ITGA9: variants seen among roughly 807,000 people sequenced by gnomAD.
ITGA9 encodes the protein integrin subunit alpha 9, also known as integrin alpha-9.
Under a neutral mutation model 127.8 loss-of-function variants are expected in ITGA9, and 56 were observed. The observed-to-expected ratio is 0.44, with a 90% CI of 0.35 to 0.55. ITGA9 has a LOEUF of 0.55. ITGA9 is among the 20% of genes least tolerant of loss of function. The pLI is 0.00. For missense variants in ITGA9, 1,196 were observed against 1,347.1 expected, an observed-to-expected ratio of 0.89 and a Z score of 1.76; for synonymous variants, 508 against 514.5, an observed-to-expected ratio of 0.99 and a Z score of 0.17.
rs1387631413 is a variant in ITGA9 at position 37,512,028 on chromosome 3, CTTTCTTT to C, written c.898-1734_898-1728del. ...CTTTTCTTTTCTTTTCTTTTCTTTT[CTTTCTTT>C]CTTTCTTTCTTTCTTTCTTTCTTTC... On this transcript the variant is annotated intron_variant, in intron 8 of 27. Transcript: ENST00000264741. Among the ~76,000 whole-genome samples, 8 of 24,264 alleles carry C rather than the reference CTTTCTTT, an allele frequency of 3.3e-4. 1 individual carries two copies. The highest frequency in any genetic ancestry group is 5.5e-4 in the Admixed American group (1 of 1,826). 15.9% of individuals were successfully genotyped at this position (24,264 alleles called of 152,430 possible).
In ITGA9 at chr3:37,629,079, G is replaced by A. The variant is rs973331486; in HGVS notation, c.1690-108G>A. On this transcript the variant is annotated intron_variant, in intron 15 of 27. Coordinates refer to ENST00000264741, the MANE Select transcript of ITGA9 (RefSeq NM_002207.3). The surrounding 1 kb of genome is among the most constrained non-coding windows in gnomAD (Gnocchi z 4.5). ...AACCCTACCTCACGAGGGTGATTGT[G>A]AGGATTATATGAGGCAATTCATGTA... 3.9e-6 allele frequency: 5 copies of A among 1,296,236 alleles called. No individual in the cohort carries two copies. In the African/African-American group the frequency reaches 5.8e-5, roughly 15 times the overall value. 80.3% of individuals were successfully genotyped at this position (1,296,236 alleles called of 1,614,324 possible). A position where few individuals can be genotyped will look rare whatever the true frequency, so the allele number is the denominator to read the frequency against.
At chr3:37,582,450 G>A (rs1699718463) in intron 15 of ITGA9, among the ~76,000 whole-genome samples, 1 of 152,186 alleles carries the variant, frequency 6.6e-6, no homozygotes, top group Non-Finnish European at 1.5e-5. Flanking sequence ...AATGTATATG[G>A]TATTTCTTGT....
intron 18 of ITGA9, among the ~76,000 whole-genome samples, chr3:37,708,654 C>T (rs1472042209): frequency 2.6e-5 from 4 of 152,304 alleles, no homozygotes; most frequent in Admixed American, 6.5e-5. Flanking sequence ...AAATACCCCA[C>T]AATGCACAGG....
chr3:37,772,586 G>A (rs536480182), intron 23 of ITGA9, among the ~76,000 whole-genome samples: 23 of 152,092 alleles, frequency 1.5e-4, no homozygotes, highest in African/African-American at 4.6e-4. Context: ...TTAGAGGACC[G>A]CCTCCCTCCA....
At chr3:37,768,425 G>A (rs938460376) in intron 23 of ITGA9, among the ~76,000 whole-genome samples, 1 of 152,178 alleles carries the variant, frequency 6.6e-6, no homozygotes, top group African/African-American at 2.4e-5. Context: ...GTGTTCAGCC[G>A]CCTGTGCCGG....
intron 7 of ITGA9, among the ~76,000 whole-genome samples, chr3:37,508,007 A>T (rs1698863196): frequency 6.6e-6 from 1 of 152,236 alleles, no homozygotes; most frequent in Non-Finnish European, 1.5e-5. Flanking sequence ...CAGTCAAAGA[A>T]TTTACTTAAT....
intron 26 of ITGA9, among the ~76,000 whole-genome samples, chr3:37,791,691 C>G (rs1697113394): frequency 6.6e-6 from 1 of 152,218 alleles, no homozygotes; most frequent in African/African-American, 2.4e-5. Flanking sequence ...TGGTGCATAG[C>G]TGCTGCTCAG....
Position 37,732,329 on chromosome 3 carries a change from C to T in ITGA9, c.2068-383C>T, listed in dbSNP as rs138075543. On this transcript the variant is annotated intron_variant, in intron 18 of 27. Transcript: ENST00000264741. ...CTTAGAGTTTGTCTTTCCTGAACCA[C>T]CAAGATCTGAAAAGGCAGGATTAGG... is the stretch of plus-strand genomic sequence containing the variant. Among the ~76,000 whole-genome samples, 205 of 152,140 alleles carry T rather than the reference C, an allele frequency of 1.3e-3. 1 individual carries two copies. In the Middle Eastern group the frequency reaches 0.041, roughly 30 times the overall value.
At chr3:37,787,311 T>C (rs556876254) in intron 26 of ITGA9, among the ~76,000 whole-genome samples, 46 of 150,996 alleles carry the variant, frequency 3.0e-4, no homozygotes, top group African/African-American at 1.0e-3. Flanking sequence ...ACTGGGCATA[T>C]TGCCTTCCAT....
chr3:37,580,727 A>G (rs951330258), intron 15 of ITGA9, among the ~76,000 whole-genome samples: 4 of 151,980 alleles, frequency 2.6e-5, no homozygotes, highest in African/African-American at 9.7e-5. Context: ...TTCTAAATCA[A>G]CTCAGGTCTG....
intron 17 of ITGA9, among the ~76,000 whole-genome samples, chr3:37,665,127 C>T (rs1700574120): frequency 6.6e-6 from 1 of 152,048 alleles, no homozygotes; most frequent in South Asian, 2.1e-4. Context: ...TACCCACCAT[C>T]ATGCCCAGCT....
intron 15 of ITGA9, among the ~76,000 whole-genome samples, chr3:37,603,970 C>T (rs1006929408): frequency 6.6e-6 from 1 of 152,194 alleles, no homozygotes; most frequent in Non-Finnish European, 1.5e-5. Context: ...TGAGCCCAGT[C>T]CTAACTGCTC....
rs191304322 is a variant in ITGA9, at chr3:37,630,946, G to T, written c.1839+1610G>T. ...GTAGAAGATAAGGTGAAGAGGCAGG[G>T]CAGGAAGCTGATGGCTTCTGCCTTG... On this transcript the variant is annotated intron_variant, in intron 16 of 27. Transcript: ENST00000264741. Among the ~76,000 whole-genome samples the T allele has an allele frequency of 2.6e-3, 393 of 152,300 alleles. 3 individuals are homozygous for T. Among genetic ancestry groups the T allele is most frequent in the African/African-American group, 9.1e-3 (378 of 41,562 alleles).
At chr3:37,765,418 C>T (rs1053105689) in intron 23 of ITGA9, among the ~76,000 whole-genome samples, 1 of 152,180 alleles carries the variant, frequency 6.6e-6, no homozygotes, top group Non-Finnish European at 1.5e-5. Flanking sequence ...CAGTTTCTCT[C>T]ACACAGACAC....
chr3:37,606,096 C>G (rs1019124072), intron 15 of ITGA9, among the ~76,000 whole-genome samples: 3 of 152,192 alleles, frequency 2.0e-5, no homozygotes, highest in African/African-American at 7.2e-5. Flanking sequence ...TGTACCACAA[C>G]ATTGTTAGGA....
At chr3:37,518,467 G>A (rs1321053207) in intron 10 of ITGA9, among the ~76,000 whole-genome samples, 1 of 152,214 alleles carries the variant, frequency 6.6e-6, no homozygotes, top group Non-Finnish European at 1.5e-5. Flanking sequence ...TCTAGGAGTT[G>A]CCAGTTTGTG....
At chr3:37,519,418 C>G (rs1431297027) in intron 11 of ITGA9, 64 bp downstream of exon 11, 3 of 1,257,468 alleles carry the variant, frequency 2.4e-6, no homozygotes, top group African/African-American at 2.9e-5. Context: ...TGTATGGAAC[C>G]TTCATTATGC....
chr3:37,572,749 A>C (rs1415917605), intron 15 of ITGA9, among the ~76,000 whole-genome samples: 1 of 152,200 alleles, frequency 6.6e-6, no homozygotes, highest in Non-Finnish European at 1.5e-5. Flanking sequence ...TGTAGATGCT[A>C]ACAGTGTACA....
intron 17 of ITGA9, among the ~76,000 whole-genome samples, chr3:37,654,881 C>T (rs1385530057): frequency 6.6e-6 from 1 of 152,094 alleles, no homozygotes; most frequent in East Asian, 1.9e-4. Context: ...TGTGATATTC[C>T]CCTCCCTGTG....
Sources: gnomAD v4.1 joint callset for allele counts (sites outside exome capture counted in the v4.1 genomes callset) on GRCh38, gnomAD v4.1.1 for gene constraint, Gnocchi (gnomAD v3.1) non-coding constraint, MANE v1.5 for transcripts, NCBI Gene and HGNC (gene_info 2026-07-23, HGNC 2026-07-21) for gene names.